DOCK5: variants seen among roughly 807,000 people sequenced by gnomAD.
DOCK5 encodes dedicator of cytokinesis protein 5.
A neutral mutation model predicts 251.8 loss-of-function variants in DOCK5; 142 were observed. The observed-to-expected ratio is 0.56, with a 90% CI of 0.49 to 0.65. The LOEUF is 0.65. Ranked by LOEUF, DOCK5 falls within the 30% of genes least tolerant of loss-of-function variation. The pLI, the probability that DOCK5 is intolerant of heterozygous loss-of-function variation, is 0.00. For synonymous variants in DOCK5, 842 were observed against 835.5 expected (o/e 1.01, Z -0.13); for missense variants, 2,111 against 2,312.3 (o/e 0.91, Z 1.79).
chr8:25,376,035 T>A, intron 37 of DOCK5: 1 of 934,808 alleles, frequency 1.1e-6, no homozygotes, highest in Non-Finnish European at 1.3e-6. Context: ...AAGGCGGAGG[T>A]TTGCAGTATG....
At chr8:25,393,793 G>A (rs1023713481) in intron 44 of DOCK5, among the ~76,000 whole-genome samples, 8 of 152,074 alleles carry the variant, frequency 5.3e-5, no homozygotes, top group South Asian at 4.1e-4. Flanking sequence ...CTGAGACCCC[G>A]CTAACACCAT....
chr8:25,381,318 AC>A (rs1216969041), intron 39 of DOCK5, among the ~76,000 whole-genome samples: 1 of 152,288 alleles, frequency 6.6e-6, no homozygotes, highest in Non-Finnish European at 1.5e-5. Context: ...CATGCAAAAA[AC>A]TGACTTATTA....
At chr8:25,262,502 G>C (rs918679319) in intron 2 of DOCK5, among the ~76,000 whole-genome samples, 3 of 152,040 alleles carry the variant, frequency 2.0e-5, no homozygotes, top group African/African-American at 7.2e-5. Context: ...CCTTTGCCTA[G>C]TTCTGGCCTA....
chr8:25,383,700 C>G (rs938639258), intron 40 of DOCK5, among the ~76,000 whole-genome samples: 1 of 151,994 alleles, frequency 6.6e-6, no homozygotes, highest in Non-Finnish European at 1.5e-5. Context: ...ACTAAAAGTA[C>G]AAAAATTAGC....
At chr8:25,400,040 G>A in intron 46 of DOCK5, 46 bp downstream of exon 46, 1 of 1,488,666 alleles carries the variant, frequency 6.7e-7, no homozygotes, top group African/African-American at 1.4e-5. Context: ...CCACAGTGTG[G>A]GACACCCATT....
chr8:25,373,657 A>C lies in DOCK5; in HGVS notation c.3724A>C (p.Arg1242=). The C allele has an allele frequency of 6.3e-7, 1 of 1,590,926 alleles. No homozygotes were observed. The highest frequency in any genetic ancestry group is 8.6e-7 in the Non-Finnish European group (1 of 1,169,228). Residue 1242 remains arginine, a splice_region_variant and synonymous_variant, in exon 36 of 52, where the codon AGA becomes CGA. Transcript: ENST00000276440. ...AAAGAAGAGAGAGGACATATACATA[A>C]GGTAAGCTGAAGGAAATTTCTTGCT... ...KEKKREDIYI[R]YLYKLRDLHR...
At chr8:25,331,275 A>G (rs545210233) in intron 18 of DOCK5, among the ~76,000 whole-genome samples, 159 of 151,254 alleles carry the variant, frequency 1.1e-3, no homozygotes, top group African/African-American at 3.5e-3. Flanking sequence ...ACACACATAT[A>G]TGTGTATTTC....
In DOCK5 at chr8:25,220,156, G is replaced by A. The variant is rs139732267; in HGVS notation, c.44-23518G>A. ...ACTGCCTCTTTTTCTGCCAGGTTTT[G>A]TTTTGTTTCGTTTCGTTCCTTTCCT... On this transcript the variant is annotated intron_variant, in intron 1 of 51. Transcript: ENST00000276440. Among the ~76,000 whole-genome samples the A allele has an allele frequency of 5.9e-3, 901 of 151,720 alleles. 13 individuals are homozygous for A. Among genetic ancestry groups the A allele is most frequent in the African/African-American group, 0.021 (866 of 41,338 alleles).
intron 21 of DOCK5, 83 bp from the exon 22 acceptor site, chr8:25,336,156 A>T (rs564031074): frequency 5.5e-6 from 8 of 1,454,944 alleles, no homozygotes; most frequent in Non-Finnish European, 7.5e-6. Flanking sequence ...CCAGGATGCC[A>T]TGTTCCCCTC....
In DOCK5 at chr8:25,399,945, C is replaced by G; in HGVS notation, c.4739C>G (p.Pro1580Arg). 1.9e-6 allele frequency: 3 copies of G among 1,613,616 alleles called. No homozygotes were observed. The highest frequency in any genetic ancestry group is 2.5e-6 in the Non-Finnish European group (3 of 1,179,784). Residue 1580 changes from proline (P) to arginine (R), a missense_variant, in exon 46 of 52, where the codon CCT becomes CGT. Coordinates refer to ENST00000276440, the MANE Select transcript of DOCK5 (RefSeq NM_024940.8). ...ACAGAAAAGTACTTGCAGGAGCATC[C>G]TGAAGACCAGGAGAAGGTTGAGCTG... ...FFTEKYLQEH[P>R]EDQEKVELLK...
chr8:25,290,868 T>C (rs1804468454), intron 5 of DOCK5, among the ~76,000 whole-genome samples: 1 of 152,178 alleles, frequency 6.6e-6, no homozygotes, highest in African/African-American at 2.4e-5. Context: ...AGTTGAAGTT[T>C]CAAGGTAGAG....
intron 24 of DOCK5, 32 bp from the exon 25 acceptor site, chr8:25,342,369 A>G: frequency 6.5e-7 from 1 of 1,528,250 alleles, no homozygotes; most frequent in Non-Finnish European, 8.9e-7. Context: ...GGCAGAACGA[A>G]GACACTACTA....
intron 37 of DOCK5, chr8:25,375,482 C>A (rs1257386441): frequency 3.2e-5 from 5 of 158,674 alleles, no homozygotes; most frequent in Non-Finnish European, 6.7e-5. Context: ...TCAAGCAATC[C>A]TCCCACTTCA....
chr8:25,246,307 C>G (rs1409269957), intron 2 of DOCK5, among the ~76,000 whole-genome samples: 1 of 152,094 alleles, frequency 6.6e-6, no homozygotes, highest in Admixed American at 6.5e-5. Flanking sequence ...CAGAGTCTTG[C>G]TCTGTCGCCC....
intron 44 of DOCK5, among the ~76,000 whole-genome samples, chr8:25,395,322 C>T (rs920226604): frequency 2.6e-5 from 4 of 152,134 alleles, no homozygotes; most frequent in East Asian, 1.9e-4. Flanking sequence ...ACTTACCTGT[C>T]GCTCACCTCT....
At chr8:25,344,706 C>A (rs1800325992) in intron 25 of DOCK5, among the ~76,000 whole-genome samples, 2 of 152,178 alleles carry the variant, frequency 1.3e-5, no homozygotes, top group African/African-American at 4.8e-5. Flanking sequence ...TTAGTGAATG[C>A]TCATAAGTAG....
At position 25,411,241 on chromosome 8, in the gene DOCK5, TCCA is replaced by T. The variant is rs1801627063; in HGVS notation, c.5559_5561del (p.Pro1855del). On this transcript the variant is annotated inframe_deletion, in exon 52 of 52. Coordinates refer to ENST00000276440, the MANE Select transcript of DOCK5 (RefSeq NM_024940.8). The stretch of plus-strand genomic sequence containing the variant: ...GAAGAGAAGCCAAAGCACCACCCCC[TCCA>T]CCTCCAAAGGCTCGGAAGTCTGGCA... 1 of 1,591,492 alleles carries T rather than the reference TCCA, an allele frequency of 6.3e-7. No individual in the cohort carries two copies. Among genetic ancestry groups the T allele is most frequent in the South Asian group, 1.1e-5 (1 of 87,614 alleles).
At chr8:25,364,758 A>T in intron 30 of DOCK5, 54 bp downstream of exon 30, 1 of 1,309,870 alleles carries the variant, frequency 7.6e-7, no homozygotes, top group Non-Finnish European at 1.1e-6. Flanking sequence ...TGGCAAGAGA[A>T]CTATATGAAT....
At chr8:25,325,626 G>C in intron 18 of DOCK5, 79 bp downstream of exon 18, 1 of 1,522,382 alleles carries the variant, frequency 6.6e-7, no homozygotes, top group South Asian at 1.2e-5. Context: ...TCACAGGGCT[G>C]GACTATATGG....
Sources: allele counts gnomAD v4.1 joint callset (sites outside exome capture counted in the v4.1 genomes callset), GRCh38; gene constraint gnomAD v4.1.1; transcripts MANE v1.5; gene names NCBI Gene and HGNC (gene_info 2026-07-23, HGNC 2026-07-21).